The following MAPK8 variants were observed in gnomAD, a reference collection of about 807,000 sequenced individuals.
MAPK8 encodes the protein JUN N-terminal kinase.
MAPK8 carries 13 observed loss-of-function variants against 52.9 expected under a neutral mutation model. The ratio of observed to expected loss-of-function variants is 0.25; its 90% CI spans 0.16 to 0.39. The LOEUF is 0.39. Ranked by LOEUF, MAPK8 falls within the 10% of genes least tolerant of loss-of-function variation. The pLI is 1.00. For synonymous variants in MAPK8, 191 were observed against 169.8 expected, an observed-to-expected ratio of 1.12 and a Z score of -0.97; for missense variants, 300 against 519.2, an observed-to-expected ratio of 0.58 and a Z score of 4.10.
At chr10:48,314,497 G>A (rs1842305613) in intron 1 of MAPK8, among the ~76,000 whole-genome samples, 1 of 152,160 alleles carries the variant, frequency 6.6e-6, no homozygotes, top group African/African-American at 2.4e-5. Context: ...AAAAGCCATG[G>A]TGCAGTGGAT....
At chr10:48,380,899 G>T (rs568261931) in intron 1 of MAPK8, among the ~76,000 whole-genome samples, 10 of 152,250 alleles carry the variant, frequency 6.6e-5, no homozygotes, top group African/African-American at 1.9e-4. Flanking sequence ...TGATTAGCAG[G>T]AGACTCCATC....
intron 1 of MAPK8, among the ~76,000 whole-genome samples, chr10:48,349,062 C>T (rs1846057962): frequency 6.6e-6 from 1 of 151,848 alleles, no homozygotes; most frequent in Non-Finnish European, 1.5e-5. Flanking sequence ...GGGATCAATG[C>T]AACAAGAAGA....
At chr10:48,392,562 C>G (rs2041680244) in intron 1 of MAPK8, among the ~76,000 whole-genome samples, 1 of 152,010 alleles carries the variant, frequency 6.6e-6, no homozygotes, top group Non-Finnish European at 1.5e-5. Flanking sequence ...ATATCTCCAT[C>G]CGTATGGCCA....
intron 6 of MAPK8, among the ~76,000 whole-genome samples, chr10:48,422,614 C>T (rs746201228): frequency 2.0e-5 from 3 of 152,128 alleles, no homozygotes; most frequent in Non-Finnish European, 4.4e-5. Flanking sequence ...GTTTAACATT[C>T]TCTATAAAAT....
intron 1 of MAPK8, among the ~76,000 whole-genome samples, chr10:48,385,471 T>A (rs1003437592): frequency 6.6e-6 from 1 of 152,168 alleles, no homozygotes; most frequent in African/African-American, 2.4e-5. Flanking sequence ...ATTGAACCAC[T>A]CCAGAAAATC....
chr10:48,404,908 C>G lies in MAPK8; in HGVS notation c.179C>G (p.Pro60Arg). ...RNVAIKKLSRPFQNQTHAKRA... is the reference protein window; with the variant it reads ...RNVAIKKLSRRFQNQTHAKRA... ...GTTGCAATCAAGAAGCTAAGCCGAC[C>G]ATTTCAGAATCAGACTCATGCCAAG... The change falls in exon 3 of 12, where the codon CCA becomes CGA. Residue 60 changes from proline (P) to arginine (R), a missense_variant. Pro to Arg is a moderately radical substitution (Grantham distance 103). Coordinates refer to ENST00000374189, the MANE Select transcript of MAPK8 (RefSeq NM_001323329.2). 6.2e-7 allele frequency: 1 copy of G among 1,610,278 alleles called. No homozygotes were observed. Among genetic ancestry groups the G allele is most frequent in the African/African-American group, 1.3e-5 (1 of 74,896 alleles).
intron 5 of MAPK8, among the ~76,000 whole-genome samples, chr10:48,411,249 G>C (rs1162837228): frequency 6.6e-6 from 1 of 152,176 alleles, no homozygotes; most frequent in Admixed American, 6.5e-5. Flanking sequence ...TATAGTTTAA[G>C]TCTCACATGT....
rs535918982 is a variant in MAPK8 at position 48,421,701 on chromosome 10, A to G, written c.616+1381A>G. Among the ~76,000 whole-genome samples, 3 of 152,204 alleles carry G rather than the reference A, an allele frequency of 2.0e-5. No individual in the cohort carries two copies. The East Asian group carries it at 5.8e-4, about 29-fold the overall frequency. ...ACACCTGTAATCCCAGCTATTCTGGAGGTGAGGCATGAGAATCGCTTGAAC... is the reference window on the plus strand; with the variant it reads ...ACACCTGTAATCCCAGCTATTCTGGGGGTGAGGCATGAGAATCGCTTGAAC... On this transcript the variant is annotated intron_variant, in intron 6 of 11. Transcript: ENST00000374189.
chr10:48,408,174 A>G (rs139163679), intron 3 of MAPK8, among the ~76,000 whole-genome samples: 67 of 152,356 alleles, frequency 4.4e-4, no homozygotes, highest in Non-Finnish European at 8.2e-4. Context: ...AAACATTTTT[A>G]TATGTGTGTC....
intron 1 of MAPK8, among the ~76,000 whole-genome samples, chr10:48,386,448 T>C (rs185156398): frequency 7.2e-5 from 11 of 152,360 alleles, no homozygotes; most frequent in African/African-American, 2.6e-4. Context: ...AGATGACCTA[T>C]TTATTCAGTT....
chr10:48,311,466 TC>T (rs1000993363), intron 1 of MAPK8, among the ~76,000 whole-genome samples: 3 of 152,236 alleles, frequency 2.0e-5, no homozygotes, highest in African/African-American at 4.8e-5. Flanking sequence ...TTTGCCACTT[TC>T]ACGATTTTTT....
intron 1 of MAPK8, among the ~76,000 whole-genome samples, chr10:48,380,938 A>G (rs1390362269): frequency 1.3e-5 from 2 of 152,202 alleles, no homozygotes; most frequent in East Asian, 3.9e-4. Context: ...GACTGTATCA[A>G]AGAGTAAGAC....
intron 1 of MAPK8, among the ~76,000 whole-genome samples, chr10:48,362,799 G>T (rs1459278194): frequency 7.0e-6 from 1 of 143,384 alleles, no homozygotes. Flanking sequence ...GGAGTGCAAT[G>T]GCGTGATCTT....
chr10:48,414,000 A>G (rs938482018), intron 5 of MAPK8, among the ~76,000 whole-genome samples: 4 of 151,418 alleles, frequency 2.6e-5, no homozygotes, highest in East Asian at 1.9e-4. Flanking sequence ...CGTTACCACA[A>G]TCTTAACTTT....
chr10:48,351,873 A>T (rs1027831747), intron 1 of MAPK8, among the ~76,000 whole-genome samples: 1 of 152,138 alleles, frequency 6.6e-6, no homozygotes, highest in African/African-American at 2.4e-5. Flanking sequence ...CAAAATCTAA[A>T]AATGCTCCAG....
chr10:48,384,953 C>T (rs1276310343), intron 1 of MAPK8, among the ~76,000 whole-genome samples: 2 of 151,920 alleles, frequency 1.3e-5, no homozygotes, highest in African/African-American at 4.8e-5. Context: ...GGGAGTGCTC[C>T]AGAGAACAGA....
chr10:48,422,005 T>TTTTATTTA lies in MAPK8; in HGVS notation c.616+1685_616+1686insTTTATTTA, dbSNP rs781509836. On this transcript the variant is annotated intron_variant, in intron 6 of 11. Transcript: ENST00000374189. ...TGACACCTCACACTCATTTTATTTATCTTATTTATTTATTTATTTATTTAT... is the reference window on the plus strand; with the variant it reads ...TGACACCTCACACTCATTTTATTTATTTTATTTACTTATTTATTTATTTATTTATTTAT... Among the ~76,000 whole-genome samples, 677 of 107,986 alleles carry TTTTATTTA rather than the reference T, an allele frequency of 6.3e-3. 6 individuals are homozygous for TTTTATTTA. Among genetic ancestry groups the TTTTATTTA allele is most frequent in the African/African-American group, 0.016 (466 of 28,490 alleles). 70.8% of individuals were successfully genotyped at this position (107,986 alleles called of 152,430 possible). A position where few individuals can be genotyped will look rare whatever the true frequency, so the allele number is the denominator to read the frequency against.
chr10:48,390,711 G>A (rs531783999), intron 1 of MAPK8, among the ~76,000 whole-genome samples: 4 of 152,180 alleles, frequency 2.6e-5, no homozygotes, highest in Non-Finnish European at 5.9e-5. Context: ...AATAAACCTT[G>A]AGTCATAAAA....
chr10:48,338,226 A>C (rs1421664088), intron 1 of MAPK8, among the ~76,000 whole-genome samples: 1 of 152,200 alleles, frequency 6.6e-6, no homozygotes, highest in Non-Finnish European at 1.5e-5. Context: ...AGCAGACTGA[A>C]TCTAGCAGCA....
Sources: gnomAD v4.1 joint callset for allele counts (sites outside exome capture counted in the v4.1 genomes callset) on GRCh38, gnomAD v4.1.1 for gene constraint, MANE v1.5 for transcripts, NCBI Gene and HGNC (gene_info 2026-07-23, HGNC 2026-07-21) for gene names.